Variants in WNK3 observed in about 807,000 individuals in gnomAD.
WNK3 encodes the protein serine/threonine-protein kinase WNK3.
WNK3 carries 18 observed loss-of-function variants against 116.7 expected under a neutral mutation model. The observed-to-expected ratio is 0.15, with a 90% CI of 0.11 to 0.23. The LOEUF (loss-of-function observed/expected upper bound fraction) is 0.23. Ranked by LOEUF, WNK3 falls within the 10% of genes least tolerant of loss-of-function variation. The pLI is 1.00. For missense variants in WNK3, 993 were observed against 1,323.8 expected (o/e 0.75, Z 3.88); for synonymous variants, 404 against 469.4 (o/e 0.86, Z 1.80).
At chrX:54,264,921 C>A (rs2068293224) in intron 10 of WNK3, among the ~76,000 whole-genome samples, 1 of 109,455 alleles carries the variant, frequency 9.1e-6, no homozygotes, top group South Asian at 4.0e-4. Context: ...ACAGACTGAG[C>A]CATTTCGCAG....
chrX:54,294,959 A>G, intron 7 of WNK3, 112 bp from the exon 8 acceptor site: 2 of 619,904 alleles, frequency 3.2e-6, no homozygotes, highest in African/African-American at 4.6e-5. Context: ...GTGCAGTGGC[A>G]TGATCTCGGC....
chrX:54,256,221 A>G (rs1557155516), intron 11 of WNK3, among the ~76,000 whole-genome samples: 1 of 111,735 alleles, frequency 8.9e-6, no homozygotes, highest in African/African-American at 3.2e-5. Context: ...ACCTCTGTGG[A>G]GCCTTTTATT....
intron 22 of WNK3, among the ~76,000 whole-genome samples, chrX:54,222,423 G>A (rs1373582176): frequency 9.4e-6 from 1 of 106,927 alleles, no homozygotes; most frequent in Non-Finnish European, 1.9e-5. Context: ...GCTGAGCATG[G>A]TAGCATGCGC....
chrX:54,235,813 TATA>T (rs1323122150), intron 20 of WNK3, among the ~76,000 whole-genome samples: 211 of 112,024 alleles, frequency 1.9e-3, no homozygotes, highest in African/African-American at 6.7e-3. Context: ...CAGTCAAAAA[TATA>T]ATGATACAGA....
intron 17 of WNK3, among the ~76,000 whole-genome samples, chrX:54,241,127 G>C (rs2068017928): frequency 9.0e-6 from 1 of 111,631 alleles, no homozygotes; most frequent in Non-Finnish European, 1.9e-5. Context: ...TTGTGGCCAA[G>C]AAAGAGGTCA....
intron 15 of WNK3, 143 bp downstream of exon 15, chrX:54,251,256 G>C: frequency 2.2e-6 from 1 of 455,429 alleles, no homozygotes; most frequent in Non-Finnish European, 3.8e-6. Flanking sequence ...TTACCTTTGG[G>C]CCTTTCAAAG....
At chrX:54,282,641 G>A (rs1325575849) in intron 10 of WNK3, among the ~76,000 whole-genome samples, 1 of 111,589 alleles carries the variant, frequency 9.0e-6, no homozygotes, top group Non-Finnish European at 1.9e-5. Context: ...ATAATCCTGA[G>A]AAAGGAAAAC....
At chrX:54,297,329 CT>C (rs2068708766) in intron 7 of WNK3, among the ~76,000 whole-genome samples, 1 of 111,553 alleles carries the variant, frequency 9.0e-6, no homozygotes, top group African/African-American at 3.3e-5. Context: ...AATCCCAACA[CT>C]TTGGGAAGCT....
intron 5 of WNK3, among the ~76,000 whole-genome samples, chrX:54,307,175 C>T (rs1281443543): frequency 4.8e-5 from 5 of 103,347 alleles, no homozygotes; most frequent in African/African-American, 1.8e-4. Context: ...TGCAGTGAGC[C>T]GAGATCCCGC....
chrX:54,292,912 A>G, exon 10 of WNK3: 1 of 1,210,832 alleles, frequency 8.3e-7, no homozygotes, highest in South Asian at 1.8e-5. Context: ...CCTTCTGAAC[A>G]GTTAATGGGG....
At chrX:54,202,185 A>G in exon 23 of WNK3, 1 of 1,197,861 alleles carries the variant, frequency 8.3e-7, no homozygotes. Flanking sequence ...CTCTCCACAC[A>G]CAGTGGATCT....
intron 1 of WNK3, among the ~76,000 whole-genome samples, chrX:54,347,697 C>CATATATATATACACAT (rs1212220433): frequency 1.0e-5 from 1 of 96,656 alleles, no homozygotes; most frequent in Non-Finnish European, 2.0e-5. Flanking sequence ...TATATATACA[C>CATATATATATACACAT]ATATATATAT....
At chrX:54,357,418 TC>T (rs1414775730) in intron 1 of WNK3, among the ~76,000 whole-genome samples, 1 of 110,150 alleles carries the variant, frequency 9.1e-6, no homozygotes, top group Admixed American at 9.6e-5. Flanking sequence ...TTCCCCACTT[TC>T]CCCCTGTTCA....
chrX:54,198,503 A>C (rs1372717266), exon 24 of WNK3: 4 of 1,207,327 alleles, frequency 3.3e-6, no homozygotes, highest in Non-Finnish European at 4.5e-6. Flanking sequence ...ACAGCATTAT[A>C]CTGACAAACG....
intron 10 of WNK3, among the ~76,000 whole-genome samples, chrX:54,270,249 G>A (rs2068364869): frequency 9.1e-6 from 1 of 109,583 alleles, no homozygotes; most frequent in East Asian, 2.9e-4. Context: ...AGGACTACAG[G>A]CATGCACCAC....
At chrX:54,232,637 C>T (rs2067914653) in intron 21 of WNK3, 172 bp downstream of exon 21, 1 of 434,964 alleles carries the variant, frequency 2.3e-6, no homozygotes, top group African/African-American at 2.5e-5. Flanking sequence ...TTATCCTAAT[C>T]ATTACTACAT....
At chrX:54,255,335 A>G (rs2068180172) in intron 12 of WNK3, among the ~76,000 whole-genome samples, 1 of 111,472 alleles carries the variant, frequency 9.0e-6, no homozygotes, top group South Asian at 3.8e-4. Context: ...ACTATGACCT[A>G]TCATACAGGG....
intron 1 of WNK3, among the ~76,000 whole-genome samples, chrX:54,342,964 T>G (rs2069349235): frequency 9.0e-6 from 1 of 110,975 alleles, no homozygotes; most frequent in Non-Finnish European, 1.9e-5. Context: ...TCCTCCCACC[T>G]CAGCATCCCG....
chrX:54,225,011 T>TA (rs2067818300), intron 22 of WNK3, among the ~76,000 whole-genome samples: 1 of 109,835 alleles, frequency 9.1e-6, no homozygotes, highest in Non-Finnish European at 1.9e-5. Context: ...AACACCAGAA[T>TA]ACATACTTTT....
Sources: gnomAD v4.1 joint callset for allele counts (sites outside exome capture counted in the v4.1 genomes callset) on GRCh38, gnomAD v4.1.1 for gene constraint, MANE v1.5 for transcripts, NCBI Gene and HGNC (gene_info 2026-07-23, HGNC 2026-07-21) for gene names.